Variants in ZMIZ1 observed in about 807,000 individuals in gnomAD.
ZMIZ1 encodes the protein zinc finger MIZ-type containing 1, also known as zinc finger MIZ domain-containing protein 1.
Under a neutral mutation model 113.9 loss-of-function variants are expected in ZMIZ1, and 17 were observed. The observed-to-expected ratio is 0.15, with a 90% CI of 0.10 to 0.22. The LOEUF (loss-of-function observed/expected upper bound fraction) is 0.22, where lower values mean the gene tolerates loss of function less well. Ranked by LOEUF, ZMIZ1 falls within the 10% of genes least tolerant of loss-of-function variation. The pLI, the probability that ZMIZ1 is intolerant of heterozygous loss-of-function variation, is 1.00. For synonymous variants in ZMIZ1, 607 were observed against 603.1 expected (o/e 1.01, Z -0.09); for missense variants, 1,059 against 1,477.8 (o/e 0.72, Z 4.65).
chr10:79,135,498 C>G (rs887423917), intron 2 of ZMIZ1, among the ~76,000 whole-genome samples: 2 of 152,260 alleles, frequency 1.3e-5, no homozygotes, highest in Non-Finnish European at 2.9e-5. Context: ...TGTGTCACTT[C>G]ACATGGACAT....
At chr10:79,092,286 T>A (rs1027318909) in intron 1 of ZMIZ1, among the ~76,000 whole-genome samples, 7 of 152,250 alleles carry the variant, frequency 4.6e-5, no homozygotes, top group African/African-American at 1.7e-4. Context: ...GGAAAACTGG[T>A]GGCTGCCATG....
At chr10:79,218,426 G>T (rs1485986714) in intron 7 of ZMIZ1, among the ~76,000 whole-genome samples, 1 of 152,130 alleles carries the variant, frequency 6.6e-6, no homozygotes, top group Non-Finnish European at 1.5e-5. Context: ...AGTGAGTCAA[G>T]ATCGAGCCAC....
At chr10:79,130,590 G>A (rs1844718026) in intron 2 of ZMIZ1, among the ~76,000 whole-genome samples, 1 of 152,218 alleles carries the variant, frequency 6.6e-6, no homozygotes, top group African/African-American at 2.4e-5. Context: ...CACACATGCA[G>A]ACCAAGATGA....
chr10:79,174,350 C>T (rs1219949344), intron 4 of ZMIZ1, among the ~76,000 whole-genome samples: 4 of 152,102 alleles, frequency 2.6e-5, no homozygotes, highest in African/African-American at 9.7e-5. Context: ...GACAAAGGCA[C>T]GCCAATCCCT....
At position 79,157,913 on chromosome 10, in the gene ZMIZ1, T is replaced by C. The variant is rs76557845; in HGVS notation, c.-130-4140T>C. On this transcript the variant is annotated intron_variant, in intron 3 of 24. Coordinates refer to ENST00000334512, the MANE Select transcript of ZMIZ1 (RefSeq NM_020338.4). ...TCCCCTGTCACCCCAAGAGTCTGCC[T>C]GTTGCCTGACCAGCAGCTGTTTGGC... Among the ~76,000 whole-genome samples the C allele has an allele frequency of 3.8e-3, 576 of 152,298 alleles. 7 individuals are homozygous for C. The highest frequency in any genetic ancestry group is 0.013 in the African/African-American group (546 of 41,564).
chr10:79,168,681 G>A (rs760714704), intron 4 of ZMIZ1, among the ~76,000 whole-genome samples: 1 of 152,230 alleles, frequency 6.6e-6, no homozygotes, highest in South Asian at 2.1e-4. Flanking sequence ...AAATAATGCT[G>A]TGCATCGTGT....
chr10:79,073,728 T>G (rs1010002161), intron 1 of ZMIZ1, among the ~76,000 whole-genome samples: 1 of 151,212 alleles, frequency 6.6e-6, no homozygotes, highest in Non-Finnish European at 1.5e-5. Context: ...AGGGTCTGCC[T>G]GGGGGTGCTC....
At chr10:79,182,111 T>TGTGTGTGTGTATGTGCACATGC (rs1366107680) in intron 4 of ZMIZ1, among the ~76,000 whole-genome samples, 1 of 152,116 alleles carries the variant, frequency 6.6e-6, no homozygotes, top group African/African-American at 2.4e-5. Flanking sequence ...TTACCAGAAC[T>TGTGTGTGTGTATGTGCACATGC]GTGTGTGTGT....
intron 7 of ZMIZ1, among the ~76,000 whole-genome samples, chr10:79,266,201 C>G (rs756438759): frequency 6.6e-6 from 1 of 152,158 alleles, no homozygotes; most frequent in Non-Finnish European, 1.5e-5. Flanking sequence ...GTTCAAGAAG[C>G]TGGGGTTGGC....
intron 1 of ZMIZ1, among the ~76,000 whole-genome samples, chr10:79,106,000 A>G (rs1843540840): frequency 6.6e-6 from 1 of 152,198 alleles, no homozygotes; most frequent in African/African-American, 2.4e-5. Flanking sequence ...CCAATTGCAC[A>G]ATACCCAGAG....
intron 7 of ZMIZ1, among the ~76,000 whole-genome samples, chr10:79,242,445 C>G (rs539490822): frequency 8.5e-4 from 130 of 152,284 alleles, no homozygotes; most frequent in African/African-American, 3.1e-3. Flanking sequence ...CACCCAGGGT[C>G]AGGGAAGTAA....
chr10:79,278,442 A>T (rs1390184152), intron 8 of ZMIZ1, among the ~76,000 whole-genome samples: 1 of 144,738 alleles, frequency 6.9e-6, no homozygotes, highest in African/African-American at 2.5e-5. Context: ...CTTTTTTTTA[A>T]TTTTTTTTAG....
chr10:79,174,110 C>T (rs1276050823), intron 4 of ZMIZ1, among the ~76,000 whole-genome samples: 2 of 152,224 alleles, frequency 1.3e-5, no homozygotes, highest in Admixed American at 1.3e-4. Flanking sequence ...ATCGTGGGTG[C>T]ATTCCTCAGA....
intron 3 of ZMIZ1, among the ~76,000 whole-genome samples, chr10:79,151,958 C>T (rs554739771): frequency 2.0e-5 from 3 of 152,256 alleles, no homozygotes; most frequent in Non-Finnish European, 2.9e-5. Flanking sequence ...TCATCTCGCC[C>T]GCCGCCATCT....
At chr10:79,250,372 A>G (rs1040936726) in intron 7 of ZMIZ1, among the ~76,000 whole-genome samples, 14 of 152,308 alleles carry the variant, frequency 9.2e-5, no homozygotes, top group African/African-American at 3.4e-4. Context: ...CAGCATGGCC[A>G]CTGTAACAGG....
chr10:79,115,187 C>G (rs1843968795), intron 1 of ZMIZ1, among the ~76,000 whole-genome samples: 1 of 152,166 alleles, frequency 6.6e-6, no homozygotes, highest in Non-Finnish European at 1.5e-5. Context: ...CTCACCACCT[C>G]CCAAGGTAGC....
At chr10:79,108,141 C>A (rs558233305) in intron 1 of ZMIZ1, among the ~76,000 whole-genome samples, 2 of 152,346 alleles carry the variant, frequency 1.3e-5, no homozygotes, top group South Asian at 4.1e-4. Flanking sequence ...ATCATCCTCG[C>A]TCCACTGTGA....
chr10:79,082,357 G>A (rs533948258), intron 1 of ZMIZ1, among the ~76,000 whole-genome samples: 3 of 152,352 alleles, frequency 2.0e-5, no homozygotes, highest in Non-Finnish European at 4.4e-5. Flanking sequence ...AGGGTCCTCA[G>A]GAGCCCACCT....
chr10:79,096,000 G>A (rs1282247346), intron 1 of ZMIZ1, among the ~76,000 whole-genome samples: 3 of 152,204 alleles, frequency 2.0e-5, no homozygotes, highest in Non-Finnish European at 2.9e-5. Context: ...TTATAGGGGA[G>A]GTAATTGAGC....
Sources: gnomAD v4.1 joint callset for allele counts (sites outside exome capture counted in the v4.1 genomes callset) on GRCh38, gnomAD v4.1.1 for gene constraint, MANE v1.5 for transcripts, NCBI Gene and HGNC (gene_info 2026-07-23, HGNC 2026-07-21) for gene names.